SPTBN1: variants seen among roughly 807,000 people sequenced by gnomAD.
SPTBN1 encodes the protein spectrin beta, non-erythrocytic 1.
SPTBN1 carries 32 observed loss-of-function variants against 266.4 expected under a neutral mutation model. The observed-to-expected ratio is 0.12, with a 90% CI of 0.09 to 0.16. The LOEUF is 0.16. Among genes scored for constraint, SPTBN1 ranks in the 10% least tolerant of loss-of-function variants. The pLI is 1.00. For missense variants in SPTBN1, 2,296 were observed against 3,067.1 expected (o/e 0.75, Z 5.94); for synonymous variants, 1,336 against 1,162.2 (o/e 1.15, Z -3.04).
At chr2:54,565,247 A>T (rs1025673494) in intron 2 of SPTBN1, among the ~76,000 whole-genome samples, 1 of 152,106 alleles carries the variant, frequency 6.6e-6, no homozygotes. Context: ...GGAGAAGCAG[A>T]CTCTTTAAGT....
In SPTBN1 at chr2:54,617,641, T is replaced by G. The variant is rs1324951354; in HGVS notation, c.600T>G (p.Thr200=). The G allele has an allele frequency of 3.7e-6, 6 of 1,614,020 alleles. No homozygotes were observed. Among genetic ancestry groups the G allele is most frequent in the Non-Finnish European group, 5.1e-6 (6 of 1,180,004 alleles). ...YPNVNIHNFT[T]SWRDGMAFNA... ...ATGTCAACATTCACAATTTCACCAC[T>G]AGCTGGAGGGACGGCATGGCCTTCA... Residue 200 remains threonine (T), a synonymous_variant, in exon 6 of 36, where the codon ACT becomes ACG. Transcript: ENST00000356805.
chr2:54,614,335 C>T (rs1278917033), intron 4 of SPTBN1, among the ~76,000 whole-genome samples: 1 of 152,154 alleles, frequency 6.6e-6, no homozygotes, highest in Admixed American at 6.5e-5. Context: ...ACAACGGTCT[C>T]TCCTTCCACC....
chr2:54,665,591 G>C (rs963071138), intron 33 of SPTBN1, among the ~76,000 whole-genome samples: 1 of 152,138 alleles, frequency 6.6e-6, no homozygotes, highest in Non-Finnish European at 1.5e-5. Context: ...CCATAAGAGG[G>C]CGCTACAGCA....
At chr2:54,528,729 T>C (rs1249501838) in intron 2 of SPTBN1, 1 of 151,968 alleles carries the variant, frequency 6.6e-6, no homozygotes, top group Non-Finnish European at 1.5e-5. Flanking sequence ...GTAAAGCTCA[T>C]TGGCAGAGAG....
rs1415091880 is a variant in SPTBN1, at chr2:54,462,648, G to T, written c.-48+6130G>T. 2.0e-5 allele frequency among the ~76,000 whole-genome samples: 3 copies of T among 152,330 alleles called. No individual in the cohort carries two copies. In the East Asian group the frequency reaches 5.8e-4, roughly 29 times the overall value. On this transcript the variant is annotated intron_variant, in intron 1 of 35. Coordinates refer to ENST00000356805, the MANE Select transcript of SPTBN1 (RefSeq NM_003128.3). ...ATAAGAATTAGTTCCTGAATGAAAG[G>T]ACTGTATACTCTAGTATATGGAATA...
At position 54,655,974 on chromosome 2, in the gene SPTBN1, G is replaced by T; in HGVS notation, c.6022G>T (p.Asp2008Tyr). Residue 2008 changes from aspartate to tyrosine, a missense_variant, in exon 29 of 36, where the codon GAC becomes TAC. By Grantham distance (160) the Asp-to-Tyr change is radical. Transcript: ENST00000356805. ...KRKEMIDKWE[D>Y]RWEWLRLILE... ...GAAAGAAATGATCGACAAGTGGGAA[G>T]ACCGATGGGAATGGTTAAGACTGAG... 1 of 1,613,398 alleles carries T rather than the reference G, an allele frequency of 6.2e-7. No homozygotes were observed. The highest frequency in any genetic ancestry group is 1.1e-5 in the South Asian group (1 of 91,012).
At position 54,623,468 on chromosome 2, in the gene SPTBN1, CCT is replaced by C. The variant is rs1558438433; in HGVS notation, c.1065-10_1065-9del. On this transcript the variant is annotated splice_polypyrimidine_tract_variant and intron_variant, in intron 9 of 35. Coordinates refer to ENST00000356805, the MANE Select transcript of SPTBN1 (RefSeq NM_003128.3). The stretch of plus-strand genomic sequence containing the variant: ...CTCCAGTACCAAATGAATGTTTTCC[CCT>C]GTGTTTAGATTTACTGAGAAGGGGA... 2 of 1,612,346 alleles carry C rather than the reference CCT, an allele frequency of 1.2e-6. No homozygotes were observed. The highest frequency in any genetic ancestry group is 2.2e-5 in the East Asian group (1 of 44,856).
chr2:54,670,403 C>CCATG lies in SPTBN1; in HGVS notation c.*1836_*1839dup, dbSNP rs969787402. 6 of 307,212 alleles carry CCATG rather than the reference C, an allele frequency of 2.0e-5. No individual in the cohort carries two copies. The highest frequency in any genetic ancestry group is 1.3e-4 in the African/African-American group (6 of 46,776). 19.0% of individuals were successfully genotyped at this position (307,212 alleles called of 1,614,324 possible). On this transcript the variant is annotated 3_prime_UTR_variant, in exon 36 of 36. Transcript: ENST00000356805. ...TGTCCAGTAAGTTATTCCACAAAGA[C>CCATG]CATGCCTAAGGTGGCATCAGCCCTG...
intron 1 of SPTBN1, among the ~76,000 whole-genome samples, chr2:54,504,267 A>G (rs1302626853): frequency 1.3e-5 from 2 of 152,236 alleles, no homozygotes; most frequent in Admixed American, 6.5e-5. Flanking sequence ...CTGATGTTCT[A>G]TGACTTTCTT....
chr2:54,665,520 GAGGAGCTGCTGCTGGAGGAC>G (rs1270027022), intron 33 of SPTBN1, among the ~76,000 whole-genome samples: 1 of 152,236 alleles, frequency 6.6e-6, no homozygotes, highest in Non-Finnish European at 1.5e-5. Context: ...TCCGCAGCTG[GAGGAGCTGCTGCTGGAGGAC>G]AGGCATGTTT....
intron 1 of SPTBN1, among the ~76,000 whole-genome samples, chr2:54,488,109 G>GT (rs1573253594): frequency 6.6e-6 from 1 of 152,110 alleles, no homozygotes; most frequent in East Asian, 1.9e-4. Flanking sequence ...GATTACAGGC[G>GT]TGAGTCACTG....
intron 35 of SPTBN1, 66 bp from the exon 36 acceptor site, chr2:54,668,285 C>G: frequency 1.3e-6 from 2 of 1,537,616 alleles, no homozygotes; most frequent in Admixed American, 3.4e-5. Context: ...ATTCCCAAGC[C>G]TTGGAGCCAG....
chr2:54,646,049 G>A lies in SPTBN1; in HGVS notation c.4584+32G>A. The A allele has an allele frequency of 6.2e-7, 1 of 1,613,720 alleles. No homozygotes were observed. Among genetic ancestry groups the A allele is most frequent in the Non-Finnish European group, 8.5e-7 (1 of 1,179,802 alleles). ...CTTTCTGCTCGAGCTAGTTCTGTCT[G>A]ATAAATAATTGCTCTAAATTATGAG... On this transcript the variant is annotated intron_variant, in intron 22 of 35. Transcript: ENST00000356805. The surrounding 1 kb of genome is among the most constrained non-coding windows in gnomAD (Gnocchi z 4.4).
rs1189718469 is a variant in SPTBN1 at position 54,554,029 on chromosome 2, A to C, written c.148+27463A>C. On this transcript the variant is annotated intron_variant, in intron 2 of 35. Transcript: ENST00000356805. The surrounding 1 kb of genome is among the most constrained non-coding windows in gnomAD (Gnocchi z 4.5). The stretch of plus-strand genomic sequence containing the variant: ...CCTAATAAAACCCACTCAGAACCAC[A>C]GAACACTTCAAGCAGCAAGCTCTAG... 6.6e-6 allele frequency among the ~76,000 whole-genome samples: 1 copy of C among 152,242 alleles called. No homozygotes were observed. The highest frequency in any genetic ancestry group is 1.5e-5 in the Non-Finnish European group (1 of 68,044).
rs1454272454 is a variant in SPTBN1, at chr2:54,667,932, G to A, written c.6876+286G>A. Among the ~76,000 whole-genome samples, 4 of 152,322 alleles carry A rather than the reference G, an allele frequency of 2.6e-5. No homozygotes were observed. The South Asian group carries it at 6.2e-4, about 24-fold the overall frequency. ...TGAGGTGGTCCCAGGACTGGTTGTG[G>A]ATCATGATGGGACCCCCGCTGCACC... On this transcript the variant is annotated intron_variant, in intron 35 of 35. Coordinates refer to ENST00000356805, the MANE Select transcript of SPTBN1 (RefSeq NM_003128.3).
Position 54,646,166 on chromosome 2 carries a change from C to G in SPTBN1, c.4585-28C>G, listed in dbSNP as rs769842814. 1.3e-6 allele frequency: 2 copies of G among 1,595,418 alleles called. No individual in the cohort carries two copies. The highest frequency in any genetic ancestry group is 1.1e-5 in the South Asian group (1 of 88,858). On this transcript the variant is annotated intron_variant, in intron 22 of 35. Coordinates refer to ENST00000356805, the MANE Select transcript of SPTBN1 (RefSeq NM_003128.3). The surrounding 1 kb of genome is among the most constrained non-coding windows in gnomAD (Gnocchi z 4.4). ...AGCAGACGGCTGCCATTTAGCAAGC[C>G]TTTGTGTGTATTTTCCGCTCCCTCC...
At chr2:54,660,260 GC>G in intron 32 of SPTBN1, 1 of 1,327,404 alleles carries the variant, frequency 7.5e-7, no homozygotes, top group Non-Finnish European at 9.6e-7. Flanking sequence ...ATGCCCACTT[GC>G]CTTAAAGCAG....
intron 1 of SPTBN1, among the ~76,000 whole-genome samples, chr2:54,525,466 T>A (rs1670747049): frequency 6.6e-6 from 1 of 152,118 alleles, no homozygotes; most frequent in African/African-American, 2.4e-5. Context: ...ACTCCCGACC[T>A]CAGGTGATCC....
At chr2:54,595,286 G>T (rs192068517) in intron 2 of SPTBN1, among the ~76,000 whole-genome samples, 1 of 152,150 alleles carries the variant, frequency 6.6e-6, no homozygotes, top group Non-Finnish European at 1.5e-5. Flanking sequence ...CTTATAATAC[G>T]TAAGCTTAGT....
Sources: gnomAD v4.1 joint callset for allele counts (sites outside exome capture counted in the v4.1 genomes callset) on GRCh38, gnomAD v4.1.1 for gene constraint, Gnocchi (gnomAD v3.1) non-coding constraint, MANE v1.5 for transcripts, NCBI Gene and HGNC (gene_info 2026-07-23, HGNC 2026-07-21) for gene names.